PCDH15: variants seen among roughly 807,000 people sequenced by gnomAD.
PCDH15 encodes the protein protocadherin-15.
Under a neutral mutation model 178.5 loss-of-function variants are expected in PCDH15, and 129 were observed. The ratio of observed to expected loss-of-function variants is 0.72; its 90% CI spans 0.63 to 0.84. The LOEUF (loss-of-function observed/expected upper bound fraction) is 0.84. PCDH15 is among the 40% of genes least tolerant of loss of function. The pLI is 0.00. For synonymous variants in PCDH15, 800 were observed against 732.0 expected (o/e 1.09, Z -1.50); for missense variants, 2,230 against 2,099.9 (o/e 1.06, Z -1.21).
At chr10:54,703,000 T>C (rs561177485) in intron 1 of PCDH15, among the ~76,000 whole-genome samples, 2 of 152,016 alleles carry the variant, frequency 1.3e-5, no homozygotes, top group South Asian at 4.2e-4. Flanking sequence ...GCAAACCAAA[T>C]CCAGCAGCAT....
chr10:55,507,075 TA>T (rs1261952567), intron 2 of PCDH15, among the ~76,000 whole-genome samples: 3 of 151,554 alleles, frequency 2.0e-5, no homozygotes, highest in Non-Finnish European at 3.0e-5. Flanking sequence ...CTATAAATTT[TA>T]AAATGTAACA....
At chr10:54,641,511 C>A (rs1245214292) in intron 2 of PCDH15, among the ~76,000 whole-genome samples, 1 of 151,976 alleles carries the variant, frequency 6.6e-6, no homozygotes, top group Non-Finnish European at 1.5e-5. Context: ...TTACATACCA[C>A]TTTTCCTCCC....
chr10:55,188,802 C>A (rs1474906861), intron 1 of PCDH15, among the ~76,000 whole-genome samples: 1 of 151,216 alleles, frequency 6.6e-6, no homozygotes, highest in Non-Finnish European at 1.5e-5. Context: ...AAACTAATTT[C>A]TTATTATTTC....
chr10:54,238,865 G>T (rs2054928655), intron 8 of PCDH15, among the ~76,000 whole-genome samples: 1 of 151,960 alleles, frequency 6.6e-6, no homozygotes, highest in Non-Finnish European at 1.5e-5. Flanking sequence ...GAATCTGATT[G>T]CCATCAGCCA....
chr10:54,846,528 C>T (rs1028876474), intron 3 of PCDH15, among the ~76,000 whole-genome samples: 1 of 152,102 alleles, frequency 6.6e-6, no homozygotes, highest in Non-Finnish European at 1.5e-5. Context: ...TGGGGAAATG[C>T]ATCCGGCAAT....
chr10:55,067,862 T>C (rs1051280882), intron 2 of PCDH15, among the ~76,000 whole-genome samples: 2 of 152,132 alleles, frequency 1.3e-5, no homozygotes, highest in Non-Finnish European at 2.9e-5. Context: ...CATTTTTTCA[T>C]AAGCCTGTTG....
intron 11 of PCDH15, chr10:54,189,248 C>G: frequency 1.4e-6 from 1 of 714,004 alleles, no homozygotes; most frequent in Admixed American, 2.5e-5. Flanking sequence ...TGTAGATATC[C>G]TTATAAGGGA....
intron 2 of PCDH15, among the ~76,000 whole-genome samples, chr10:55,035,004 T>A (rs534570670): frequency 6.6e-6 from 1 of 152,264 alleles, no homozygotes; most frequent in East Asian, 1.9e-4. Context: ...AGGATACAGC[T>A]GCTTTCCTTT....
chr10:54,037,435 A>G (rs2610830), intron 18 of PCDH15, among the ~76,000 whole-genome samples: 114,566 of 151,514 alleles, frequency 0.76, 43,489 homozygotes, highest in Middle Eastern at 0.84. Flanking sequence ...CGACAGTGAG[A>G]CAAGACCCTC....
intron 2 of PCDH15, among the ~76,000 whole-genome samples, chr10:55,509,149 A>G (rs1363866636): frequency 6.6e-6 from 1 of 151,780 alleles, no homozygotes; most frequent in Non-Finnish European, 1.5e-5. Context: ...AGGTATGCAC[A>G]CATCCAAACG....
At chr10:55,395,777 A>G (rs1230702878) in intron 2 of PCDH15, among the ~76,000 whole-genome samples, 1 of 152,056 alleles carries the variant, frequency 6.6e-6, no homozygotes, top group Non-Finnish European at 1.5e-5. Context: ...ATAATAAAAG[A>G]AAACTACCCT....
At chr10:55,052,955 G>T (rs940932289) in intron 2 of PCDH15, among the ~76,000 whole-genome samples, 12 of 152,104 alleles carry the variant, frequency 7.9e-5, no homozygotes, top group African/African-American at 2.9e-4. Flanking sequence ...GACTGAAATT[G>T]AACATTTCAG....
chr10:54,062,253 C>CAAAAAAAAAAA lies in PCDH15; in HGVS notation c.2220+4503_2220+4504insTTTTTTTTTTT, dbSNP rs769054605. ...AAAAAAAAAAAAAAAAAAAAAAAAA[C>CAAAAAAAAAAA]AAAAAACAACTAAATGAAAACTCCC... On this transcript the variant is annotated intron_variant, in intron 18 of 37. Transcript: ENST00000644397. 2.5e-4 allele frequency among the ~76,000 whole-genome samples: 19 copies of CAAAAAAAAAAA among 75,842 alleles called. 1 individual carries two copies. Among genetic ancestry groups the CAAAAAAAAAAA allele is most frequent in the African/African-American group, 3.6e-4 (7 of 19,560 alleles). The allele number at this position is 75,842 out of a possible 152,430, so 49.8% of individuals were successfully genotyped here. A position where few individuals can be genotyped will look rare whatever the true frequency, so the allele number is the denominator to read the frequency against.
intron 16 of PCDH15, among the ~76,000 whole-genome samples, chr10:54,083,538 C>T (rs563482263): frequency 1.3e-5 from 2 of 152,304 alleles, no homozygotes; most frequent in Admixed American, 6.5e-5. Flanking sequence ...AATAGTCACA[C>T]ATTGCATGAT....
intron 3 of PCDH15, among the ~76,000 whole-genome samples, chr10:54,416,247 T>C (rs570393098): frequency 1.3e-5 from 2 of 152,210 alleles, no homozygotes; most frequent in South Asian, 2.1e-4. Flanking sequence ...GCTGCACCTA[T>C]TGACCCGTCC....
At chr10:53,846,677 G>A (rs1214562282) in intron 28 of PCDH15, among the ~76,000 whole-genome samples, 1 of 151,952 alleles carries the variant, frequency 6.6e-6, no homozygotes, top group Non-Finnish European at 1.5e-5. Context: ...ACCTTATCCA[G>A]TTACCTGTAT....
At chr10:55,488,379 G>A (rs918419860) in intron 2 of PCDH15, among the ~76,000 whole-genome samples, 7 of 151,530 alleles carry the variant, frequency 4.6e-5, no homozygotes, top group Admixed American at 2.6e-4. Flanking sequence ...CAGAACAGCC[G>A]TTAGTACATT....
At chr10:53,839,322 T>C (rs913150632) in intron 29 of PCDH15, among the ~76,000 whole-genome samples, 11 of 151,758 alleles carry the variant, frequency 7.2e-5, no homozygotes, top group African/African-American at 2.7e-4. Flanking sequence ...GTGATGAAAT[T>C]TTGTCGATGA....
chr10:55,526,537 T>C (rs1235949382), intron 2 of PCDH15, among the ~76,000 whole-genome samples: 1 of 152,044 alleles, frequency 6.6e-6, no homozygotes, highest in Admixed American at 6.6e-5. Flanking sequence ...CAACACCTTA[T>C]TGTGAGACTC....
Sources: gnomAD v4.1 joint callset for allele counts (sites outside exome capture counted in the v4.1 genomes callset) on GRCh38, gnomAD v4.1.1 for gene constraint, MANE v1.5 for transcripts, NCBI Gene and HGNC (gene_info 2026-07-23, HGNC 2026-07-21) for gene names.